The following PHACTR3 variants were observed in gnomAD, a reference collection of about 807,000 sequenced individuals.
PHACTR3 encodes the protein protein phosphatase 1, regulatory subunit 123.
PHACTR3 carries 16 observed loss-of-function variants against 66.8 expected under a neutral mutation model. That is an observed-to-expected ratio of 0.24 (90% CI 0.16 to 0.36). The LOEUF is 0.36. PHACTR3 is among the 10% of genes least tolerant of loss of function. The pLI is 1.00. For missense variants in PHACTR3, 647 were observed against 719.9 expected, an observed-to-expected ratio of 0.90 and a Z score of 1.16; for synonymous variants, 323 against 292.1, an observed-to-expected ratio of 1.11 and a Z score of -1.08.
At chr20:59,623,852 T>C (rs1345487229) in intron 1 of PHACTR3, among the ~76,000 whole-genome samples, 2 of 152,164 alleles carry the variant, frequency 1.3e-5, no homozygotes, top group Non-Finnish European at 1.5e-5. Context: ...TTTTTGTCTG[T>C]ATCCTATGGA....
chr20:59,791,064 GCTC>G (rs2041077213), intron 7 of PHACTR3, among the ~76,000 whole-genome samples: 1 of 152,100 alleles, frequency 6.6e-6, no homozygotes, highest in Admixed American at 6.5e-5. Flanking sequence ...GCACCTTTCA[GCTC>G]CACCATGGTA....
chr20:59,731,405 A>G (rs1371821557), intron 1 of PHACTR3, among the ~76,000 whole-genome samples: 2 of 152,224 alleles, frequency 1.3e-5, no homozygotes, highest in East Asian at 3.8e-4. Flanking sequence ...ATACAAAAAA[A>G]TCATCACAAT....
At chr20:59,814,038 T>C (rs1287033372) in intron 8 of PHACTR3, among the ~76,000 whole-genome samples, 1 of 152,210 alleles carries the variant, frequency 6.6e-6, no homozygotes, top group Non-Finnish European at 1.5e-5. Flanking sequence ...TCTGCTCTTC[T>C]GTGAGGGCCT....
intron 5 of PHACTR3, among the ~76,000 whole-genome samples, chr20:59,772,450 G>A (rs1008566092): frequency 2.0e-5 from 3 of 152,200 alleles, no homozygotes; most frequent in Non-Finnish European, 2.9e-5. Context: ...GAGGAAAAGT[G>A]TCAGGGCAGG....
intron 3 of PHACTR3, among the ~76,000 whole-genome samples, chr20:59,752,604 G>C (rs75025390): frequency 0.19 from 6,710 of 34,920 alleles, 455 homozygotes; most frequent in African/African-American, 0.35. Context: ...AGCAGGGGAA[G>C]GTTCAAAGAC....
intron 8 of PHACTR3, among the ~76,000 whole-genome samples, chr20:59,831,861 G>A (rs2042393617): frequency 6.6e-6 from 1 of 152,214 alleles, no homozygotes; most frequent in South Asian, 2.1e-4. Flanking sequence ...CCGGCTCTGG[G>A]GGTCTGCTCT....
At chr20:59,804,074 CTA>C (rs1441633048) in intron 7 of PHACTR3, among the ~76,000 whole-genome samples, 1 of 152,168 alleles carries the variant, frequency 6.6e-6, no homozygotes, top group Non-Finnish European at 1.5e-5. Flanking sequence ...TCATTTTAAG[CTA>C]TGTCTTTTGG....
At chr20:59,767,441 C>A in intron 5 of PHACTR3, 46 bp downstream of exon 5, 1 of 1,555,522 alleles carries the variant, frequency 6.4e-7, no homozygotes, top group East Asian at 2.3e-5. Context: ...TTCTCTGCCC[C>A]ATCCATCCAT....
intron 8 of PHACTR3, among the ~76,000 whole-genome samples, chr20:59,813,171 G>A (rs1047349297): frequency 6.6e-6 from 1 of 152,084 alleles, no homozygotes; most frequent in Non-Finnish European, 1.5e-5. Context: ...GTATGGTGTG[G>A]GTGCTGCACA....
intron 1 of PHACTR3, among the ~76,000 whole-genome samples, chr20:59,684,536 A>G (rs1056448638): frequency 6.6e-6 from 1 of 152,054 alleles, no homozygotes; most frequent in Admixed American, 6.5e-5. Flanking sequence ...TCTGCAATCC[A>G]CCCTAGGCTG....
chr20:59,599,834 T>G (rs981614323), upstream of PHACTR3, among the ~76,000 whole-genome samples: 1 of 152,134 alleles, frequency 6.6e-6, no homozygotes, highest in Admixed American at 6.5e-5. Flanking sequence ...CTATTCCTGC[T>G]GGGCCAGGCT....
intron 3 of PHACTR3, among the ~76,000 whole-genome samples, chr20:59,754,740 A>G (rs2039722820): frequency 6.6e-6 from 1 of 152,254 alleles, no homozygotes. Context: ...TCTTCAGGAC[A>G]AAGGTCCAGG....
chr20:59,838,155 C>T (rs921908498), intron 9 of PHACTR3, among the ~76,000 whole-genome samples: 7 of 152,128 alleles, frequency 4.6e-5, no homozygotes, highest in African/African-American at 1.7e-4. Context: ...AGCTCGGAAG[C>T]CCTCTCTAGT....
At chr20:59,691,052 T>C (rs933555927) in intron 1 of PHACTR3, among the ~76,000 whole-genome samples, 2 of 152,188 alleles carry the variant, frequency 1.3e-5, no homozygotes, top group African/African-American at 4.8e-5. Flanking sequence ...CAGCTCTATC[T>C]GATACTATCA....
intron 1 of PHACTR3, among the ~76,000 whole-genome samples, chr20:59,658,258 T>A (rs2035690108): frequency 6.6e-6 from 1 of 152,134 alleles, no homozygotes; most frequent in Non-Finnish European, 1.5e-5. Flanking sequence ...TGGACATATT[T>A]ATAATAGTTA....
At chr20:59,655,456 A>G (rs2035587100) in intron 1 of PHACTR3, among the ~76,000 whole-genome samples, 1 of 151,938 alleles carries the variant, frequency 6.6e-6, no homozygotes, top group Non-Finnish European at 1.5e-5. Context: ...AGTTATTTAT[A>G]GTATTCCCTT....
intron 1 of PHACTR3, among the ~76,000 whole-genome samples, chr20:59,635,152 T>C (rs1203145055): frequency 2.2e-4 from 8 of 36,448 alleles, no homozygotes; most frequent in Non-Finnish European, 3.3e-4. Context: ...TCTTTCTTTT[T>C]CTTTCTTTCT....
At chr20:59,814,576 G>A (rs2041834220) in intron 8 of PHACTR3, among the ~76,000 whole-genome samples, 1 of 152,156 alleles carries the variant, frequency 6.6e-6, no homozygotes, top group Non-Finnish European at 1.5e-5. Flanking sequence ...AGCTGAGGTC[G>A]AGGGTATTCA....
chr20:59,838,101 G>C (rs530011622), intron 9 of PHACTR3, among the ~76,000 whole-genome samples: 2 of 152,136 alleles, frequency 1.3e-5, no homozygotes, highest in Non-Finnish European at 2.9e-5. Context: ...TGGCAATCCC[G>C]CCATAAACAC....
Sources: allele counts gnomAD v4.1 joint callset (sites outside exome capture counted in the v4.1 genomes callset), GRCh38; gene constraint gnomAD v4.1.1; transcripts MANE v1.5; gene names NCBI Gene and HGNC (gene_info 2026-07-23, HGNC 2026-07-21).